SH3BGR: variants seen among roughly 807,000 people sequenced by gnomAD.
The protein encoded by SH3BGR is SH3 domain binding glutamate rich protein, also known as SH3 domain-binding glutamic acid-rich protein.
Under a neutral mutation model 24.5 loss-of-function variants are expected in SH3BGR, and 29 were observed. That is an observed-to-expected ratio of 1.18 (90% CI 0.88 to 1.61). The LOEUF (loss-of-function observed/expected upper bound fraction) is 1.61, where lower values mean the gene tolerates loss of function less well. SH3BGR is among the 40% of genes most tolerant of loss of function. The pLI is 0.00. For synonymous variants in SH3BGR, 55 were observed against 65.7 expected (o/e 0.84, Z 0.79); for missense variants, 162 against 205.8 (o/e 0.79, Z 1.30).
intron 3 of SH3BGR, among the ~76,000 whole-genome samples, chr21:39,499,370 TATCC>T (rs1172277371): frequency 1.3e-5 from 2 of 151,892 alleles, no homozygotes; most frequent in Non-Finnish European, 2.9e-5. Flanking sequence ...TCCATCCATC[TATCC>T]ATCCATCCAT....
chr21:39,485,954 C>T (rs1315548842), intron 3 of SH3BGR, among the ~76,000 whole-genome samples: 4 of 152,288 alleles, frequency 2.6e-5, no homozygotes, highest in Admixed American at 2.0e-4. Flanking sequence ...TCCCAAAGTG[C>T]TGGGATTACA....
At chr21:39,508,861 AC>A (rs1317874809) in intron 4 of SH3BGR, 136 bp from the exon 5 acceptor site, 13 of 583,982 alleles carry the variant, frequency 2.2e-5, no homozygotes, top group Non-Finnish European at 3.0e-5. Context: ...TTTGCTATTT[AC>A]TTATTTTATG....
upstream of SH3BGR, among the ~76,000 whole-genome samples, chr21:39,447,408 C>CGCTTTT (rs2077510397): frequency 1.4e-5 from 2 of 147,208 alleles, no homozygotes; most frequent in African/African-American, 5.0e-5. Flanking sequence ...TCTTTGCTTT[C>CGCTTTT]GCTTTTGCTT....
At chr21:39,499,760 G>T in intron 3 of SH3BGR, 63 bp from the exon 4 acceptor site, 1 of 1,208,350 alleles carries the variant, frequency 8.3e-7, no homozygotes, top group Non-Finnish European at 1.2e-6. Context: ...AGCATATGTG[G>T]CCTGTTTTTT....
chr21:39,501,463 T>TA (rs1243032134), intron 4 of SH3BGR, among the ~76,000 whole-genome samples: 2 of 152,212 alleles, frequency 1.3e-5, no homozygotes, highest in Non-Finnish European at 2.9e-5. Context: ...TGGTAGGAAT[T>TA]AAAAAAACCA....
upstream of SH3BGR, among the ~76,000 whole-genome samples, chr21:39,448,665 A>G (rs1165277982): frequency 1.3e-5 from 2 of 152,170 alleles, no homozygotes; most frequent in East Asian, 3.9e-4. Flanking sequence ...GCCTGGTGAC[A>G]GAAACAAACA....
chr21:39,475,105 G>A (rs2078006176), intron 2 of SH3BGR, 30 bp from the exon 3 acceptor site: 3 of 1,435,926 alleles, frequency 2.1e-6, no homozygotes, highest in African/African-American at 1.4e-5. Flanking sequence ...GTGTGCAGTA[G>A]TTTTAAACTT....
chr21:39,479,294 G>A (rs935952397), intron 3 of SH3BGR, among the ~76,000 whole-genome samples: 7 of 150,042 alleles, frequency 4.7e-5, no homozygotes, highest in African/African-American at 1.7e-4. Context: ...TGGTGGTAGT[G>A]GTAATGGTCA....
At chr21:39,453,621 G>A (rs1420258843) in intron 1 of SH3BGR, among the ~76,000 whole-genome samples, 2 of 152,076 alleles carry the variant, frequency 1.3e-5, no homozygotes, top group Non-Finnish European at 2.9e-5. Context: ...AGTTAGCTTT[G>A]GATGACCTGG....
chr21:39,501,806 G>C lies in SH3BGR; in HGVS notation c.405+1891G>C, dbSNP rs565832361. Among the ~76,000 whole-genome samples, 331 of 152,340 alleles carry C rather than the reference G, an allele frequency of 2.2e-3. 1 individual carries two copies. The highest frequency in any genetic ancestry group is 7.8e-3 in the African/African-American group (324 of 41,574). On this transcript the variant is annotated intron_variant, in intron 4 of 6. Transcript: ENST00000333634. ...TTAAGAAGGAGACAAACACCACTTAGATATTTAGAATGCTTGCATTTTGTG... is the reference window on the plus strand; with the variant it reads ...TTAAGAAGGAGACAAACACCACTTACATATTTAGAATGCTTGCATTTTGTG...
upstream of SH3BGR, among the ~76,000 whole-genome samples, chr21:39,447,402 TGCTTTC>T (rs2077509882): frequency 6.6e-6 from 1 of 151,124 alleles, no homozygotes; most frequent in African/African-American, 2.4e-5. Flanking sequence ...AATCTTTCTT[TGCTTTC>T]GCTTTTGCTT....
At chr21:39,451,781 T>G, upstream of SH3BGR, 5 of 1,117,130 alleles carry the variant, frequency 4.5e-6, no homozygotes, top group Non-Finnish European at 6.5e-6. Flanking sequence ...AGCCTGGCCT[T>G]TTAGGGACTG....
intron 3 of SH3BGR, among the ~76,000 whole-genome samples, chr21:39,489,660 G>A (rs2078266484): frequency 6.6e-6 from 1 of 152,226 alleles, no homozygotes; most frequent in Non-Finnish European, 1.5e-5. Context: ...CCTCAACCCT[G>A]GCTGCACATT....
chr21:39,467,485 CACTT>C (rs1190247170), intron 2 of SH3BGR, among the ~76,000 whole-genome samples: 14 of 152,192 alleles, frequency 9.2e-5, no homozygotes, highest in African/African-American at 3.1e-4. Flanking sequence ...TCTATGGACA[CACTT>C]ACAAAAGTAT....
chr21:39,481,756 A>C (rs2078134018), intron 3 of SH3BGR, among the ~76,000 whole-genome samples: 1 of 152,200 alleles, frequency 6.6e-6, no homozygotes, highest in African/African-American at 2.4e-5. Flanking sequence ...GTTGAGAGTA[A>C]ACTTTTTGTT....
upstream of SH3BGR, among the ~76,000 whole-genome samples, chr21:39,451,123 C>T (rs2077569512): frequency 6.6e-6 from 1 of 152,146 alleles, no homozygotes. Flanking sequence ...CCCGGACCTT[C>T]TCTAACTTTT....
intron 3 of SH3BGR, chr21:39,491,617 C>A: frequency 4.3e-6 from 1 of 232,958 alleles, no homozygotes; most frequent in Non-Finnish European, 8.9e-6. Flanking sequence ...TCGGTCCTTG[C>A]AAGCTTCACG....
At chr21:39,462,914 T>C (rs2077778275) in intron 2 of SH3BGR, among the ~76,000 whole-genome samples, 2 of 152,316 alleles carry the variant, frequency 1.3e-5, no homozygotes, top group South Asian at 4.1e-4. Context: ...ATGGTAAGTT[T>C]TCTCTGTCAC....
At chr21:39,456,957 C>T (rs1382975553) in intron 1 of SH3BGR, among the ~76,000 whole-genome samples, 1 of 150,552 alleles carries the variant, frequency 6.6e-6, no homozygotes, top group Non-Finnish European at 1.5e-5. Flanking sequence ...AAATTAAATG[C>T]GTGATTACCA....
Sources: gnomAD v4.1 joint callset for allele counts (sites outside exome capture counted in the v4.1 genomes callset) on GRCh38, gnomAD v4.1.1 for gene constraint, MANE v1.5 for transcripts, NCBI Gene and HGNC (gene_info 2026-07-23, HGNC 2026-07-21) for gene names.